NOS1: variants seen among roughly 807,000 people sequenced by gnomAD.
The protein encoded by NOS1 is NOS type I.
Under a neutral mutation model 164.5 loss-of-function variants are expected in NOS1, and 51 were observed. The ratio of observed to expected loss-of-function variants is 0.31; its 90% CI spans 0.25 to 0.39. NOS1 has a LOEUF of 0.39. Ranked by LOEUF, NOS1 falls within the 10% of genes least tolerant of loss-of-function variation. The pLI, the probability that NOS1 is intolerant of heterozygous loss-of-function variation, is 1.00. For synonymous variants in NOS1, 719 were observed against 745.8 expected, an observed-to-expected ratio of 0.96 and a Z score of 0.59; for missense variants, 1,362 against 1,885.6, an observed-to-expected ratio of 0.72 and a Z score of 5.14.
Position 117,224,962 on chromosome 12 carries a change from G to A in NOS1, c.3826+54C>T, listed in dbSNP as rs952288414. 12 of 1,611,378 alleles carry A rather than the reference G, an allele frequency of 7.4e-6. No homozygotes were observed. In the Admixed American group the frequency reaches 2.0e-4, roughly 27 times the overall value. On this transcript the variant is annotated intron_variant, in intron 25 of 28. Coordinates refer to ENST00000317775, the MANE Select transcript of NOS1 (RefSeq NM_000620.5). Reference sequence around the variant, plus strand: ...TCTCTAGGGCTGCTGAGACACAGCTGGACCTCCCCAGGTCCGGGGGTGGGA... The same window carrying A: ...TCTCTAGGGCTGCTGAGACACAGCTAGACCTCCCCAGGTCCGGGGGTGGGA...
chr12:117,325,069 C>A (rs1235657442), intron 2 of NOS1, among the ~76,000 whole-genome samples: 1 of 152,210 alleles, frequency 6.6e-6, no homozygotes, highest in Non-Finnish European at 1.5e-5. Context: ...CAGCTTGGCT[C>A]CCCGACTGGC....
intron 16 of NOS1, among the ~76,000 whole-genome samples, chr12:117,255,114 T>C (rs1198776126): frequency 6.6e-6 from 1 of 152,004 alleles, no homozygotes; most frequent in East Asian, 1.9e-4. Flanking sequence ...ATAATAAAAT[T>C]AAAAAAATAA....
chr12:117,259,002 T>C (rs1347487559), intron 15 of NOS1, 24 bp downstream of exon 15: 2 of 1,555,026 alleles, frequency 1.3e-6, no homozygotes, highest in Non-Finnish European at 1.8e-6. Flanking sequence ...ACCACACTCT[T>C]GAACAGGTAA....
At position 117,210,998 on chromosome 12, in the gene NOS1, C is replaced by A; in HGVS notation, c.*4311G>T. 2.2e-6 allele frequency: 2 copies of A among 916,162 alleles called. No homozygotes were observed. The highest frequency in any genetic ancestry group is 1.0e-4 in the South Asian group (2 of 19,754). 56.8% of individuals were successfully genotyped at this position (916,162 alleles called of 1,614,324 possible). On this transcript the variant is annotated 3_prime_UTR_variant, in exon 29 of 29. Coordinates refer to ENST00000317775, the MANE Select transcript of NOS1 (RefSeq NM_000620.5). ...TGAGATAAGAGTCTTGCTCTGTCAC[C>A]CAGGCTGGAGTGCAGTGGTACAATC...
At position 117,213,880 on chromosome 12, in the gene NOS1, G is replaced by T; in HGVS notation, c.*1429C>A. ...GATCCCTTCCCACCATTTACTCTGAGAGAGTAAATTCAACAGGTTGCCTCT... is the reference window on the plus strand; with the variant it reads ...GATCCCTTCCCACCATTTACTCTGATAGAGTAAATTCAACAGGTTGCCTCT... On this transcript the variant is annotated 3_prime_UTR_variant, in exon 29 of 29. Transcript: ENST00000317775. The T allele has an allele frequency of 1.0e-6, 1 of 985,160 alleles. No individual in the cohort carries two copies. Among genetic ancestry groups the T allele is most frequent in the Non-Finnish European group, 1.2e-6 (1 of 829,722 alleles). 61.0% of individuals were successfully genotyped at this position (985,160 alleles called of 1,614,324 possible).
intron 2 of NOS1, among the ~76,000 whole-genome samples, chr12:117,328,477 A>G (rs1230071337): frequency 1.3e-5 from 2 of 152,148 alleles, no homozygotes; most frequent in Non-Finnish European, 2.9e-5. Context: ...CGGTATTTAA[A>G]TGTTGCCTTC....
chr12:117,238,460 C>A lies in NOS1; in HGVS notation c.3042-3702G>T, dbSNP rs1869899487. ...CCCCTGCATTTCACCGTGGATCTGG[C>A]AACCCATTTCTCCAGGACCCCTCTG... On this transcript the variant is annotated intron_variant, in intron 20 of 28. Coordinates refer to ENST00000317775, the MANE Select transcript of NOS1 (RefSeq NM_000620.5). Among the ~76,000 whole-genome samples the A allele has an allele frequency of 2.0e-5, 3 of 152,180 alleles. No individual in the cohort carries two copies. The South Asian group carries it at 6.2e-4, about 32-fold the overall frequency.
At chr12:117,293,415 C>G (rs1029738034) in intron 3 of NOS1, among the ~76,000 whole-genome samples, 4 of 152,266 alleles carry the variant, frequency 2.6e-5, no homozygotes, top group African/African-American at 7.2e-5. Context: ...ATCACTGACT[C>G]TCCCCCATTT....
chr12:117,340,873 ATTTTTTTTT>A (rs56322341), intron 1 of NOS1, among the ~76,000 whole-genome samples: 5 of 104,480 alleles, frequency 4.8e-5, no homozygotes, highest in African/African-American at 1.2e-4. Context: ...ACACCTGGCT[ATTTTTTTTT>A]TTTTTTTTTT....
rs1956488824 is a variant in NOS1, at chr12:117,209,053, C to T, written c.*6256G>A. ...GGGGTTTTTGAAAGCATACTGCCCT[C>T]CCCATGCCCCCTCCCCCGGACACCC... On this transcript the variant is annotated 3_prime_UTR_variant, in exon 29 of 29. Coordinates refer to ENST00000317775, the MANE Select transcript of NOS1 (RefSeq NM_000620.5). 1 of 985,152 alleles carries T rather than the reference C, an allele frequency of 1.0e-6. No homozygotes were observed. Among genetic ancestry groups the T allele is most frequent in the African/African-American group, 1.7e-5 (1 of 57,170 alleles). 61.0% of individuals were successfully genotyped at this position (985,152 alleles called of 1,614,324 possible). A position where few individuals can be genotyped will look rare whatever the true frequency, so the allele number is the denominator to read the frequency against.
intron 2 of NOS1, among the ~76,000 whole-genome samples, chr12:117,321,414 T>C (rs551372983): frequency 4.6e-5 from 7 of 152,348 alleles, no homozygotes; most frequent in African/African-American, 9.6e-5. Context: ...TGGATGCTCA[T>C]GGAACATTCA....
chr12:117,294,576 A>T (rs1873294418), intron 3 of NOS1, among the ~76,000 whole-genome samples: 1 of 152,188 alleles, frequency 6.6e-6, no homozygotes, highest in Admixed American at 6.5e-5. Flanking sequence ...TAGATGACTC[A>T]GGAGGGGAGA....
intron 13 of NOS1, among the ~76,000 whole-genome samples, chr12:117,262,107 C>A (rs1026281173): frequency 6.6e-6 from 1 of 152,084 alleles, no homozygotes; most frequent in Admixed American, 6.6e-5. Context: ...AAACCGCCCA[C>A]GATGCAGGAA....
chr12:117,231,315 C>T (rs1869202095), intron 22 of NOS1, among the ~76,000 whole-genome samples: 1 of 148,212 alleles, frequency 6.7e-6, no homozygotes, highest in African/African-American at 2.5e-5. Flanking sequence ...GAGACTCTGT[C>T]TCAGAGAAAA....
intron 2 of NOS1, among the ~76,000 whole-genome samples, chr12:117,326,978 GT>G (rs1875284206): frequency 6.6e-6 from 1 of 152,172 alleles, no homozygotes; most frequent in Admixed American, 6.5e-5. Context: ...GGAAGAGAGG[GT>G]GCACTGGGAT....
chr12:117,236,880 G>A (rs1418823501), intron 20 of NOS1, among the ~76,000 whole-genome samples: 1 of 152,212 alleles, frequency 6.6e-6, no homozygotes, highest in Non-Finnish European at 1.5e-5. Context: ...TGCAGACAAG[G>A]AGCAGGCATG....
At chr12:117,242,931 T>A (rs1370382121) in intron 19 of NOS1, among the ~76,000 whole-genome samples, 4 of 152,198 alleles carry the variant, frequency 2.6e-5, no homozygotes, top group Non-Finnish European at 5.9e-5. Flanking sequence ...ATTCACCCTC[T>A]ACTGACACTT....
At position 117,209,063 on chromosome 12, in the gene NOS1, C is replaced by T. The variant is rs1292607016; in HGVS notation, c.*6246G>A. ...AAAGCATACTGCCCTCCCCATGCCC[C>T]CTCCCCCGGACACCCTCAAATCCCA... is the stretch of plus-strand genomic sequence containing the variant. On this transcript the variant is annotated 3_prime_UTR_variant, in exon 29 of 29. Transcript: ENST00000317775. 2 of 985,216 alleles carry T rather than the reference C, an allele frequency of 2.0e-6. No individual in the cohort carries two copies. Among genetic ancestry groups the T allele is most frequent in the Admixed American group, 6.2e-5 (1 of 16,246 alleles). 61.0% of individuals were successfully genotyped at this position (985,216 alleles called of 1,614,324 possible). A position where few individuals can be genotyped will look rare whatever the true frequency, so the allele number is the denominator to read the frequency against.
intron 4 of NOS1, 40 bp from the exon 5 acceptor site, chr12:117,288,259 C>T: frequency 6.3e-7 from 1 of 1,589,888 alleles, no homozygotes; most frequent in Middle Eastern, 2.2e-4. Flanking sequence ...TTGGTTTTAC[C>T]CAAGAGTGGC....
Sources: gnomAD v4.1 joint callset for allele counts (sites outside exome capture counted in the v4.1 genomes callset) on GRCh38, gnomAD v4.1.1 for gene constraint, MANE v1.5 for transcripts, NCBI Gene and HGNC (gene_info 2026-07-23, HGNC 2026-07-21) for gene names.